The following RBFOX1 variants were observed in gnomAD, a reference collection of about 807,000 sequenced individuals.
RBFOX1 encodes RNA binding protein fox-1 homolog 1.
A neutral mutation model predicts 57.7 loss-of-function variants in RBFOX1; 8 were observed. That is an observed-to-expected ratio of 0.14 (90% CI 0.08 to 0.25). The LOEUF (loss-of-function observed/expected upper bound fraction) is 0.25, where lower values mean the gene tolerates loss of function less well. RBFOX1 is among the 10% of genes least tolerant of loss of function. RBFOX1 has a pLI of 1.00. For synonymous variants in RBFOX1, 326 were observed against 222.4 expected, an observed-to-expected ratio of 1.47 and a Z score of -4.15; for missense variants, 611 against 548.5, an observed-to-expected ratio of 1.11 and a Z score of -1.14.
At chr16:5,763,740 C>A (rs1210416230) in intron 3 of RBFOX1, among the ~76,000 whole-genome samples, 1 of 152,186 alleles carries the variant, frequency 6.6e-6, no homozygotes, top group Non-Finnish European at 1.5e-5. Flanking sequence ...TGTGGTAACT[C>A]GGTTGCACTT....
At chr16:6,465,881 T>C (rs1176556638) in intron 2 of RBFOX1, among the ~76,000 whole-genome samples, 1 of 133,622 alleles carries the variant, frequency 7.5e-6, no homozygotes, top group African/African-American at 3.2e-5. Flanking sequence ...TACATTTGTG[T>C]GTTTGTGTGT....
At chr16:5,500,602 G>A (rs1217299690) in intron 2 of RBFOX1, among the ~76,000 whole-genome samples, 1 of 152,096 alleles carries the variant, frequency 6.6e-6, no homozygotes, top group Admixed American at 6.6e-5. Flanking sequence ...AGCTATGTCA[G>A]GACCTAGAGT....
chr16:6,004,810 C>T (rs575742003), intron 4 of RBFOX1, among the ~76,000 whole-genome samples: 2 of 152,186 alleles, frequency 1.3e-5, no homozygotes, highest in African/African-American at 2.4e-5. Flanking sequence ...TAAATCATTC[C>T]ATCTGACATT....
At chr16:6,132,715 C>G (rs567855510) in intron 1 of RBFOX1, among the ~76,000 whole-genome samples, 8 of 152,152 alleles carry the variant, frequency 5.3e-5, no homozygotes, top group Non-Finnish European at 1.0e-4. Context: ...CTTTCTTCAA[C>G]TATGTAAAAA....
intron 4 of RBFOX1, among the ~76,000 whole-genome samples, chr16:7,223,700 G>C (rs1320116534): frequency 7.4e-6 from 1 of 135,538 alleles, no homozygotes; most frequent in Non-Finnish European, 1.5e-5. Flanking sequence ...ACTATATGCC[G>C]TCAGTGTTTC....
intron 4 of RBFOX1, among the ~76,000 whole-genome samples, chr16:7,135,668 T>G (rs1369054011): frequency 6.6e-6 from 1 of 152,274 alleles, no homozygotes; most frequent in African/African-American, 2.4e-5. Context: ...TGAGGATTAA[T>G]CGTCTGGTTC....
chr16:7,032,572 C>T (rs1398457632), intron 3 of RBFOX1, among the ~76,000 whole-genome samples: 1 of 137,026 alleles, frequency 7.3e-6, no homozygotes, highest in African/African-American at 2.5e-5. Flanking sequence ...TCCCCATCTA[C>T]AGCTATTTCT....
intron 3 of RBFOX1, among the ~76,000 whole-genome samples, chr16:6,897,545 A>G (rs1294125252): frequency 6.6e-6 from 1 of 152,220 alleles, no homozygotes; most frequent in Non-Finnish European, 1.5e-5. Context: ...TGTAATCCCA[A>G]CACTTTGGGA....
At chr16:7,119,672 A>G (rs895155039) in intron 4 of RBFOX1, among the ~76,000 whole-genome samples, 15 of 152,092 alleles carry the variant, frequency 9.9e-5, no homozygotes, top group Non-Finnish European at 1.9e-4. Context: ...ATCTTAAACA[A>G]TCATGATTAT....
intron 5 of RBFOX1, among the ~76,000 whole-genome samples, chr16:7,543,388 A>T (rs1309654071): frequency 6.6e-6 from 1 of 152,124 alleles, no homozygotes; most frequent in East Asian, 1.9e-4. Flanking sequence ...CAGGCCTGGT[A>T]ATGATCATGG....
intron 1 of RBFOX1, among the ~76,000 whole-genome samples, chr16:6,091,447 C>CT (rs2096172356): frequency 6.6e-6 from 1 of 152,174 alleles, no homozygotes; most frequent in South Asian, 2.1e-4. Flanking sequence ...GGATTTTCTA[C>CT]TTTTTTATAG....
At chr16:5,900,597 A>G (rs2058283322) in intron 4 of RBFOX1, among the ~76,000 whole-genome samples, 2 of 152,062 alleles carry the variant, frequency 1.3e-5, no homozygotes, top group African/African-American at 4.8e-5. Context: ...CCAGTTCCTC[A>G]TCCGTATTCT....
chr16:7,131,207 G>A (rs929455214), intron 4 of RBFOX1, among the ~76,000 whole-genome samples: 1 of 151,952 alleles, frequency 6.6e-6, no homozygotes, highest in Non-Finnish European at 1.5e-5. Flanking sequence ...TTAGCCAGGT[G>A]TGGTATCGCA....
chr16:5,872,403 C>G (rs538985551), intron 4 of RBFOX1, among the ~76,000 whole-genome samples: 1 of 152,132 alleles, frequency 6.6e-6, no homozygotes, highest in Non-Finnish European at 1.5e-5. Context: ...AAATAAAGTA[C>G]AAGGTTTGTT....
At chr16:6,395,858 G>C (rs1028354430) in intron 2 of RBFOX1, among the ~76,000 whole-genome samples, 1 of 152,002 alleles carries the variant, frequency 6.6e-6, no homozygotes, top group Non-Finnish European at 1.5e-5. Flanking sequence ...CTGAGCTCAG[G>C]AGTTCATGAG....
intron 4 of RBFOX1, chr16:7,510,417 T>C: frequency 1.1e-6 from 1 of 889,198 alleles, no homozygotes; most frequent in Non-Finnish European, 1.3e-6. Flanking sequence ...GACACGTAGC[T>C]TGCTGCTTGA....
At chr16:5,388,946 C>T (rs1480399090) in intron 1 of RBFOX1, among the ~76,000 whole-genome samples, 3 of 150,942 alleles carry the variant, frequency 2.0e-5, no homozygotes, top group African/African-American at 7.3e-5. Flanking sequence ...AATCCCAGCA[C>T]TTTGGGAGGC....
At chr16:6,667,226 G>A (rs1236531074) in intron 3 of RBFOX1, among the ~76,000 whole-genome samples, 1 of 152,138 alleles carries the variant, frequency 6.6e-6, no homozygotes, top group Non-Finnish European at 1.5e-5. Flanking sequence ...ATGAGAAGCT[G>A]CTGGGCACCC....
At chr16:7,211,743 C>A (rs750000123) in intron 4 of RBFOX1, among the ~76,000 whole-genome samples, 2 of 152,120 alleles carry the variant, frequency 1.3e-5, no homozygotes. Context: ...TGGGCATTCG[C>A]CTGAACTAGG....
Sources: gnomAD v4.1 joint callset for allele counts (sites outside exome capture counted in the v4.1 genomes callset) on GRCh38, gnomAD v4.1.1 for gene constraint, MANE v1.5 for transcripts, NCBI Gene and HGNC (gene_info 2026-07-23, HGNC 2026-07-21) for gene names.